Variants in LRP12 observed in about 807,000 individuals in gnomAD.
LRP12 encodes LDL receptor related protein 12.
In LRP12, 14 loss-of-function variants were observed where a neutral mutation model predicts 66.0. The observed-to-expected ratio is 0.21, with a 90% CI of 0.14 to 0.33. LRP12 has a LOEUF of 0.33. LRP12 is among the 10% of genes least tolerant of loss of function. The pLI, the probability that LRP12 is intolerant of heterozygous loss-of-function variation, is 1.00. For missense variants in LRP12, 889 were observed against 1,053.4 expected (o/e 0.84, Z 2.16); for synonymous variants, 357 against 359.1 (o/e 0.99, Z 0.07).
At chr8:104,491,632 G>T (rs1297123611) in intron 6 of LRP12, 93 bp from the exon 7 acceptor site, 2 of 1,065,954 alleles carry the variant, frequency 1.9e-6, no homozygotes, top group East Asian at 2.6e-5. Context: ...ATGTGTTGTG[G>T]TTAAAAATTC....
chr8:104,579,915 T>C (rs1457180792), intron 1 of LRP12, among the ~76,000 whole-genome samples: 1 of 152,070 alleles, frequency 6.6e-6, no homozygotes, highest in Non-Finnish European at 1.5e-5. Context: ...TTACACCATA[T>C]ACAAAAATTA....
intron 1 of LRP12, among the ~76,000 whole-genome samples, chr8:104,563,199 G>A (rs529210425): frequency 1.2e-4 from 19 of 152,180 alleles, no homozygotes; most frequent in African/African-American, 4.1e-4. Context: ...AAATAGTATC[G>A]AAGCTGATGT....
chr8:104,587,748 A>T (rs1215952064), intron 1 of LRP12, among the ~76,000 whole-genome samples: 4 of 152,216 alleles, frequency 2.6e-5, no homozygotes, highest in African/African-American at 9.6e-5. Context: ...CACCACCATT[A>T]TACTAGTCAA....
chr8:104,538,864 T>C (rs1205172734), intron 1 of LRP12, among the ~76,000 whole-genome samples: 1 of 152,154 alleles, frequency 6.6e-6, no homozygotes, highest in Non-Finnish European at 1.5e-5. Context: ...TTTTAATTAA[T>C]TTAACCTTAA....
rs1810603339 is a variant in LRP12 at position 104,490,618 on chromosome 8, A to G, written c.*55T>C. On this transcript the variant is annotated 3_prime_UTR_variant, in exon 7 of 7. Transcript: ENST00000276654. ...ACTAGTTTAACTGTAAAGTTACAAA[A>G]TAATAAATGGATATTGCTCCAACTT... The G allele has an allele frequency of 1.1e-5, 17 of 1,516,972 alleles. No homozygotes were observed. In the South Asian group the frequency reaches 2.2e-4, roughly 19 times the overall value. The allele number at this position is 1,516,972 out of a possible 1,614,324, so 94.0% of individuals were successfully genotyped here.
At chr8:104,508,771 T>C (rs1221457949) in intron 3 of LRP12, 168 bp downstream of exon 3, 1 of 554,498 alleles carries the variant, frequency 1.8e-6, no homozygotes, top group East Asian at 2.9e-5. Flanking sequence ...ACATACCAGA[T>C]GGGCTGTTAC....
rs770911906 is a variant in LRP12, at chr8:104,588,912, G to A, written c.-15C>T. 55 of 1,573,134 alleles carry A rather than the reference G, an allele frequency of 3.5e-5. No individual in the cohort carries two copies. Among genetic ancestry groups the A allele is most frequent in the Non-Finnish European group, 4.6e-5 (53 of 1,152,816 alleles). ...CGACAGGCCATAACCACAGCAGATGGAGAGAGAGAGGAGGAGACGGAGGAG... is the reference window on the plus strand; with the variant it reads ...CGACAGGCCATAACCACAGCAGATGAAGAGAGAGAGGAGGAGACGGAGGAG... On this transcript the variant is annotated 5_prime_UTR_variant, in exon 1 of 7. Transcript: ENST00000276654.
chr8:104,512,656 T>C (rs1418311046), intron 2 of LRP12, among the ~76,000 whole-genome samples: 2 of 152,088 alleles, frequency 1.3e-5, no homozygotes, highest in African/African-American at 2.4e-5. Context: ...AGAATAATTA[T>C]AGGGAAAAAC....
chr8:104,517,827 G>C (rs1811094156), intron 2 of LRP12, among the ~76,000 whole-genome samples: 1 of 152,022 alleles, frequency 6.6e-6, no homozygotes, highest in Admixed American at 6.6e-5. Context: ...TGTACTTAAA[G>C]AAACCCACCA....
intron 1 of LRP12, among the ~76,000 whole-genome samples, chr8:104,537,973 T>C (rs1275494204): frequency 6.6e-6 from 1 of 152,188 alleles, no homozygotes; most frequent in African/African-American, 2.4e-5. Context: ...ACAAAATAAC[T>C]ACAGCACTTC....
intron 1 of LRP12, among the ~76,000 whole-genome samples, chr8:104,563,055 G>A (rs1051059460): frequency 6.6e-6 from 1 of 152,106 alleles, no homozygotes; most frequent in Non-Finnish European, 1.5e-5. Context: ...GAACAATATA[G>A]TGTAATGGTT....
intron 2 of LRP12, among the ~76,000 whole-genome samples, chr8:104,528,585 G>C (rs7814211): frequency 0.031 from 4,648 of 152,170 alleles, 238 homozygotes; most frequent in African/African-American, 0.11. Context: ...GACCAGCCTG[G>C]CCAACATAGT....
chr8:104,527,581 G>A (rs1001191902), intron 2 of LRP12, among the ~76,000 whole-genome samples: 1 of 151,624 alleles, frequency 6.6e-6, no homozygotes, highest in African/African-American at 2.4e-5. Flanking sequence ...CTATCGCAAG[G>A]ACAAAAAACC....
At chr8:104,553,014 T>C (rs1453688259) in intron 1 of LRP12, among the ~76,000 whole-genome samples, 1 of 152,132 alleles carries the variant, frequency 6.6e-6, no homozygotes, top group Non-Finnish European at 1.5e-5. Flanking sequence ...GAGCTGAGAT[T>C]AATTTAGAAA....
At chr8:104,541,073 A>G (rs1811469345) in intron 1 of LRP12, among the ~76,000 whole-genome samples, 1 of 152,114 alleles carries the variant, frequency 6.6e-6, no homozygotes, top group Non-Finnish European at 1.5e-5. Context: ...CAGTGTTTTT[A>G]TATGTTTAGA....
intron 1 of LRP12, among the ~76,000 whole-genome samples, chr8:104,534,536 TATC>T (rs1466858245): frequency 2.8e-4 from 43 of 152,032 alleles, no homozygotes; most frequent in African/African-American, 1.0e-3. Context: ...ATCTGGTAAA[TATC>T]ATGCTAATTA....
intron 1 of LRP12, among the ~76,000 whole-genome samples, chr8:104,536,952 T>C (rs1461842125): frequency 1.3e-5 from 2 of 151,800 alleles, no homozygotes; most frequent in African/African-American, 4.8e-5. Context: ...CATTTTCAGT[T>C]GCAATGAAAA....
intron 1 of LRP12, among the ~76,000 whole-genome samples, chr8:104,547,609 T>C (rs1281768160): frequency 8.1e-6 from 1 of 123,062 alleles, no homozygotes; most frequent in Non-Finnish European, 1.6e-5. Flanking sequence ...TAATTATTAA[T>C]ATATAATATA....
chr8:104,552,996 C>A (rs1811751086), intron 1 of LRP12, among the ~76,000 whole-genome samples: 1 of 152,156 alleles, frequency 6.6e-6, no homozygotes. Context: ...AGAACTTGAC[C>A]TTACCTGGAG....
Sources: allele counts gnomAD v4.1 joint callset (sites outside exome capture counted in the v4.1 genomes callset), GRCh38; gene constraint gnomAD v4.1.1; transcripts MANE v1.5; gene names NCBI Gene and HGNC (gene_info 2026-07-23, HGNC 2026-07-21).